The following GPD2 variants were observed in gnomAD, a reference collection of about 807,000 sequenced individuals.
The protein encoded by GPD2 is glycerol-3-phosphate dehydrogenase 2.
A neutral mutation model predicts 82.4 loss-of-function variants in GPD2; 54 were observed. That is an observed-to-expected ratio of 0.66 (90% CI 0.53 to 0.82). The LOEUF (loss-of-function observed/expected upper bound fraction) is 0.82. Ranked by LOEUF, GPD2 falls within the 40% of genes least tolerant of loss-of-function variation. GPD2 has a pLI of 0.00. For synonymous variants in GPD2, 288 were observed against 306.1 expected (o/e 0.94, Z 0.62); for missense variants, 748 against 896.2 (o/e 0.83, Z 2.11).
chr2:156,581,144 C>A (rs960614998), intron 16 of GPD2, among the ~76,000 whole-genome samples: 1 of 151,958 alleles, frequency 6.6e-6, no homozygotes, highest in South Asian at 2.1e-4. Context: ...TTGAAACTAT[C>A]TGCAGGTTTT....
the GPD2 span, among the ~76,000 whole-genome samples, chr2:156,406,095 CTTAT>C: frequency 1.3e-5 from 2 of 150,936 alleles, no homozygotes; most frequent in African/African-American, 4.9e-5. Flanking sequence ...ATACACACAG[CTTAT>C]TTCTGTCCCA....
the GPD2 span, among the ~76,000 whole-genome samples, chr2:156,407,391 C>T: frequency 1.0e-3 from 158 of 152,254 alleles, no homozygotes; most frequent in Non-Finnish European, 2.0e-3. Flanking sequence ...ATATCCTTTT[C>T]TCCCCCCAGA....
At chr2:156,426,626 T>G in the GPD2 span, among the ~76,000 whole-genome samples, 1 of 152,294 alleles carries the variant, frequency 6.6e-6, no homozygotes, top group African/African-American at 2.4e-5. Flanking sequence ...AAGACTGTTG[T>G]TAGAAACATC....
Position 156,468,807 on chromosome 2 carries a change from C to T in GPD2, c.-8-7291C>T, listed in dbSNP as rs1444040200. On this transcript the variant is annotated intron_variant, in intron 1 of 16. Transcript: ENST00000438166. ...AGTAATATCAGGGTAAATGGGTATCCATTACCTTAAGCATTTATTTCTTTG... is the reference window on the plus strand; with the variant it reads ...AGTAATATCAGGGTAAATGGGTATCTATTACCTTAAGCATTTATTTCTTTG... Among the ~76,000 whole-genome samples, 3 of 152,020 alleles carry T rather than the reference C, an allele frequency of 2.0e-5. No homozygotes were observed. In the East Asian group the frequency reaches 5.8e-4, roughly 29 times the overall value.
Position 156,570,134 on chromosome 2 carries a change from G to A in GPD2, c.1524G>A (p.Val508=), listed in dbSNP as rs752962396. Residue 508 remains valine, a synonymous_variant, in exon 12 of 17, where the codon GTG becomes GTA. Transcript: ENST00000438166. The stretch of plus-strand genomic sequence containing the variant: ...CCTATGGTGATAAGGCCTTTGAGGT[G>A]GCCAAAATGGCAAGTGTGACTGGCA... ...AATYGDKAFE[V]AKMASVTGKR... is the part of the protein sequence containing the mutation. 33 of 1,612,024 alleles carry A rather than the reference G, an allele frequency of 2.0e-5. No individual in the cohort carries two copies. The highest frequency in any genetic ancestry group is 2.6e-5 in the Non-Finnish European group (31 of 1,178,928).
chr2:156,583,131 T>C lies in GPD2; in HGVS notation c.*213T>C. ...TGCCATTCAGTCTAGCTTTTAAGTA[T>C]ATTTTTTTCTTTTTCTCATTTTCAA... On this transcript the variant is annotated 3_prime_UTR_variant, in exon 17 of 17. Coordinates refer to ENST00000438166, the MANE Select transcript of GPD2 (RefSeq NM_000408.5). The C allele has an allele frequency of 1.8e-6, 1 of 558,016 alleles. No homozygotes were observed. The highest frequency in any genetic ancestry group is 2.0e-5 in the South Asian group (1 of 49,100). The allele number at this position is 558,016 out of a possible 1,614,324, so 34.6% of individuals were successfully genotyped here.
At chr2:156,569,936 TC>T (rs1288374723) in intron 11 of GPD2, 150 bp from the exon 12 acceptor site, 2 of 684,148 alleles carry the variant, frequency 2.9e-6, no homozygotes, top group Admixed American at 5.0e-5. Flanking sequence ...CCAAGTGGTT[TC>T]CTTCCACAAA....
intron 1 of GPD2, among the ~76,000 whole-genome samples, chr2:156,456,137 G>C (rs1293678821): frequency 6.6e-6 from 1 of 151,972 alleles, no homozygotes; most frequent in Non-Finnish European, 1.5e-5. Flanking sequence ...ATTGTTTTTT[G>C]GTGAATTGTA....
the GPD2 span, among the ~76,000 whole-genome samples, chr2:156,420,189 T>C: frequency 6.6e-6 from 1 of 152,192 alleles, no homozygotes; most frequent in South Asian, 2.1e-4. Flanking sequence ...CTTTCCTTTT[T>C]TTTTCTTTTT....
At chr2:156,491,648 G>T (rs1018503677) in intron 2 of GPD2, among the ~76,000 whole-genome samples, 1 of 152,058 alleles carries the variant, frequency 6.6e-6, no homozygotes, top group Non-Finnish European at 1.5e-5. Context: ...ACAGGCTTCT[G>T]TATGAACACA....
chr2:156,577,361 T>C (rs1687861698), intron 13 of GPD2, among the ~76,000 whole-genome samples: 2 of 152,014 alleles, frequency 1.3e-5, no homozygotes. Context: ...CATAGTGGCA[T>C]ATGCCTGTAA....
At chr2:156,458,081 G>A (rs558187341) in intron 1 of GPD2, among the ~76,000 whole-genome samples, 5 of 152,234 alleles carry the variant, frequency 3.3e-5, no homozygotes, top group African/African-American at 2.4e-5. Flanking sequence ...TGAATATGCC[G>A]AGGACAGCAG....
chr2:156,492,627 G>A (rs550105441), intron 2 of GPD2, among the ~76,000 whole-genome samples: 1 of 152,136 alleles, frequency 6.6e-6, no homozygotes, highest in South Asian at 2.1e-4. Flanking sequence ...ATGGAAGGAG[G>A]CTGGGTAAAT....
chr2:156,440,952 G>A (rs1682146399), intron 1 of GPD2, among the ~76,000 whole-genome samples: 1 of 152,210 alleles, frequency 6.6e-6, no homozygotes. Context: ...GGGAGCTGGT[G>A]CCAGAGGAAC....
chr2:156,492,994 A>G (rs1684239240), intron 2 of GPD2, among the ~76,000 whole-genome samples: 1 of 152,198 alleles, frequency 6.6e-6, no homozygotes, highest in Admixed American at 6.5e-5. Flanking sequence ...TGAATGGTGG[A>G]ACAAAATTAG....
chr2:156,474,347 A>G (rs527876017), intron 1 of GPD2, among the ~76,000 whole-genome samples: 15 of 152,332 alleles, frequency 9.8e-5, no homozygotes, highest in East Asian at 7.7e-4. Flanking sequence ...TTTATTCAGT[A>G]TGGACCCAAA....
chr2:156,558,568 A>C (rs7558733), intron 9 of GPD2, among the ~76,000 whole-genome samples: 106,309 of 151,906 alleles, frequency 0.7, 37,340 homozygotes, highest in Middle Eastern at 0.82. Context: ...AAAATGCTAA[A>C]TTCTCTTGCA....
chr2:156,465,226 G>A (rs945689181), intron 1 of GPD2, among the ~76,000 whole-genome samples: 1 of 151,916 alleles, frequency 6.6e-6, no homozygotes, highest in Non-Finnish European at 1.5e-5. Context: ...GTAAGGCTTT[G>A]TTAGTTTTAA....
At chr2:156,431,574 A>G (rs1468745563), upstream of GPD2, among the ~76,000 whole-genome samples, 1 of 152,096 alleles carries the variant, frequency 6.6e-6, no homozygotes, top group African/African-American at 2.4e-5. Flanking sequence ...CTTCTCCATG[A>G]AAGTATCTTA....
Sources: gnomAD v4.1 joint callset for allele counts (sites outside exome capture counted in the v4.1 genomes callset) on GRCh38, gnomAD v4.1.1 for gene constraint, MANE v1.5 for transcripts, NCBI Gene and HGNC (gene_info 2026-07-23, HGNC 2026-07-21) for gene names.